The following HAUS8 variants were observed in gnomAD, a reference collection of about 807,000 sequenced individuals.
The protein encoded by HAUS8 is HAUS augmin like complex subunit 8.
In HAUS8, 38 loss-of-function variants were observed where a neutral mutation model predicts 42.9. The ratio of observed to expected loss-of-function variants is 0.89; its 90% CI spans 0.68 to 1.16. The LOEUF is 1.16. Among genes scored for constraint, HAUS8 ranks in the 50% most tolerant of loss-of-function variants. HAUS8 has a pLI of 0.00. For synonymous variants in HAUS8, 199 were observed against 205.8 expected (o/e 0.97, Z 0.28); for missense variants, 494 against 511.6 (o/e 0.97, Z 0.33).
At chr19:17,075,090 G>A (rs1488778068) in intron 1 of HAUS8, 3 of 475,992 alleles carry the variant, frequency 6.3e-6, no homozygotes, top group Non-Finnish European at 7.6e-6. Flanking sequence ...CGACGCCTAC[G>A]AGGTTGAGCT....
At chr19:17,051,900 G>T (rs184548097) in intron 10 of HAUS8, 4 of 151,714 alleles carry the variant, frequency 2.6e-5, no homozygotes, top group Admixed American at 6.6e-5. Context: ...CAGCACTTTG[G>T]GGGGCTGAGG....
At chr19:17,066,893 G>A (rs1355428658) in intron 3 of HAUS8, among the ~76,000 whole-genome samples, 2 of 152,188 alleles carry the variant, frequency 1.3e-5, no homozygotes, top group Admixed American at 6.5e-5. Context: ...TCCACTTGAT[G>A]GAATACTATT....
At chr19:17,056,055 C>T in intron 8 of HAUS8, 53 bp from the exon 9 acceptor site, 1 of 1,575,334 alleles carries the variant, frequency 6.3e-7, no homozygotes, top group Non-Finnish European at 8.7e-7. Context: ...TCTCTGGAAA[C>T]TTAACAGAAG....
chr19:17,062,608 A>G (rs71338609), intron 4 of HAUS8, 90 bp downstream of exon 4: 157,384 of 957,246 alleles, frequency 0.16, 14,324 homozygotes, highest in Non-Finnish European at 0.2. Flanking sequence ...CCCTTCCCAG[A>G]AAGGAAAGAA....
intron 3 of HAUS8, 62 bp from the exon 4 acceptor site, chr19:17,062,841 T>G: frequency 1.7e-4 from 186 of 1,100,940 alleles, no homozygotes; most frequent in Middle Eastern, 4.2e-4. Context: ...CAACGGGCCC[T>G]GATGCGGTCT....
rs546946413 is a variant in HAUS8 at position 17,062,752 on chromosome 19, G to C, written c.175C>G (p.Arg59Gly). The C allele has an allele frequency of 2.5e-6, 4 of 1,613,780 alleles. No individual in the cohort carries two copies. The South Asian group carries it at 3.3e-5, about 13-fold the overall frequency. The change falls in exon 4 of 11, where the codon CGA becomes GGA. Residue 59 changes from arginine to glycine, a missense_variant. Arg to Gly is a moderately radical substitution (Grantham distance 125, BLOSUM62 -2). Transcript: ENST00000253669. ...KAPAGDGSQT[R>G]GKMSEGGRKS... ...CTTCCACCTTCAGACATCTTCCCTCGGGTCTGTGACCCATCTCCTGCAGGA... is the reference window on the plus strand; with the variant it reads ...CTTCCACCTTCAGACATCTTCCCTCCGGTCTGTGACCCATCTCCTGCAGGA...
Position 17,052,703 on chromosome 19 carries a change from G to A in HAUS8, c.929+122C>T, listed in dbSNP as rs546734648. The A allele has an allele frequency of 9.8e-5, 96 of 977,164 alleles. No homozygotes were observed. In the African/African-American group the frequency reaches 1.3e-3, roughly 13 times the overall value. 60.5% of individuals were successfully genotyped at this position (977,164 alleles called of 1,614,324 possible). A position where few individuals can be genotyped will look rare whatever the true frequency, so the allele number is the denominator to read the frequency against. ...GCAGCGTCTGGGAAAAGAGCAGCTC[G>A]CTCAGGGGACTGAACCTCCTCTGAA... On this transcript the variant is annotated intron_variant, in intron 10 of 10. Coordinates refer to ENST00000253669, the MANE Select transcript of HAUS8 (RefSeq NM_033417.2).
Position 17,065,972 on chromosome 19 carries a change from T to TTA in HAUS8, c.147+3058_147+3059insTA, listed in dbSNP as rs554329439. ...CTCACTCTACACATCTCTTATCTTC[T>TTA]AAAAAAAAAAAAAAGAGACAGGATC... On this transcript the variant is annotated intron_variant, in intron 3 of 10. Transcript: ENST00000253669. Among the ~76,000 whole-genome samples the TTA allele has an allele frequency of 2.1e-5, 3 of 140,444 alleles. No homozygotes were observed. The East Asian group carries it at 6.3e-4, about 29-fold the overall frequency. 92.1% of individuals were successfully genotyped at this position (140,444 alleles called of 152,430 possible). A position where few individuals can be genotyped will look rare whatever the true frequency, so the allele number is the denominator to read the frequency against.
At chr19:17,070,341 C>T (rs781763368) in intron 2 of HAUS8, among the ~76,000 whole-genome samples, 2 of 152,186 alleles carry the variant, frequency 1.3e-5, no homozygotes, top group Admixed American at 1.3e-4. Flanking sequence ...CTTCCTGAAA[C>T]CTTCCATCAG....
At chr19:17,069,866 G>T (rs1303942214) in intron 2 of HAUS8, among the ~76,000 whole-genome samples, 1 of 151,806 alleles carries the variant, frequency 6.6e-6, no homozygotes, top group Non-Finnish European at 1.5e-5. Context: ...AGACCCTCCC[G>T]CCACCACATC....
intron 9 of HAUS8, 35 bp from the exon 10 acceptor site, chr19:17,053,001 C>A (rs1367328044): frequency 6.2e-7 from 1 of 1,613,498 alleles, no homozygotes; most frequent in East Asian, 2.2e-5. Context: ...CGATGGATGG[C>A]AAGGTGCCCC....
At chr19:17,053,070 G>T in intron 9 of HAUS8, 104 bp from the exon 10 acceptor site, 1 of 1,390,346 alleles carries the variant, frequency 7.2e-7, no homozygotes, top group Non-Finnish European at 1.0e-6. Flanking sequence ...CTCGGCTATC[G>T]CGCTGGAACC....
At position 17,058,797 on chromosome 19, in the gene HAUS8, G is replaced by A. The variant is rs2057341938; in HGVS notation, c.486+14C>T. The A allele has an allele frequency of 1.9e-6, 3 of 1,612,190 alleles. No homozygotes were observed. Among genetic ancestry groups the A allele is most frequent in the Non-Finnish European group, 2.5e-6 (3 of 1,179,268 alleles). On this transcript the variant is annotated intron_variant, in intron 7 of 10. Coordinates refer to ENST00000253669, the MANE Select transcript of HAUS8 (RefSeq NM_033417.2). The stretch of plus-strand genomic sequence containing the variant: ...TTCCATCCATGGCATACGTGAACAA[G>A]AAACTGTTTTCACCTTTACGGATAG...
intron 1 of HAUS8, chr19:17,075,172 C>G: frequency 1.8e-6 from 1 of 550,852 alleles, no homozygotes; most frequent in South Asian, 2.4e-5. Context: ...CGGAGGTCGC[C>G]CAGCGTCCCA....
At chr19:17,069,398 A>C (rs62126059) in intron 2 of HAUS8, among the ~76,000 whole-genome samples, 2,749 of 151,546 alleles carry the variant, frequency 0.018, 31 homozygotes, top group Non-Finnish European at 0.028. Flanking sequence ...GGAAAGAAGA[A>C]AGAGCTTTCA....
At position 17,056,833 on chromosome 19, in the gene HAUS8, C is replaced by T. The variant is rs546907522; in HGVS notation, c.646-831G>A. On this transcript the variant is annotated intron_variant, in intron 8 of 10. Coordinates refer to ENST00000253669, the MANE Select transcript of HAUS8 (RefSeq NM_033417.2). ...CTCAAACTCCTGACCTCAAGTAATC[C>T]GCCCACCTCAGCCTCCCAAAGTGCT... Among the ~76,000 whole-genome samples the T allele has an allele frequency of 3.9e-5, 6 of 151,992 alleles. No homozygotes were observed. In the East Asian group the frequency reaches 7.8e-4, roughly 20 times the overall value.
At chr19:17,056,156 G>C (rs1352234975) in intron 8 of HAUS8, among the ~76,000 whole-genome samples, 154 bp from the exon 9 acceptor site, 3 of 152,204 alleles carry the variant, frequency 2.0e-5, no homozygotes, top group Non-Finnish European at 4.4e-5. Context: ...GGTGTGGTGA[G>C]CTCTTCCCAA....
intron 8 of HAUS8, among the ~76,000 whole-genome samples, chr19:17,056,533 A>G (rs183603128): frequency 3.3e-5 from 5 of 152,238 alleles, no homozygotes; most frequent in Admixed American, 1.3e-4. Context: ...ATTAGCATCT[A>G]TATACACACA....
intron 1 of HAUS8, chr19:17,074,530 C>G (rs539879481): frequency 2.0e-5 from 3 of 152,316 alleles, no homozygotes; most frequent in African/African-American, 4.8e-5. Flanking sequence ...AGGTCACCCC[C>G]GGGGCAGTCT....
Sources: gnomAD v4.1 joint callset for allele counts (sites outside exome capture counted in the v4.1 genomes callset) on GRCh38, gnomAD v4.1.1 for gene constraint, MANE v1.5 for transcripts, NCBI Gene and HGNC (gene_info 2026-07-23, HGNC 2026-07-21) for gene names.